Variants in RIMOC1 observed in about 807,000 individuals in gnomAD.
RIMOC1 encodes the protein RAB7A interacting MON1-CCZ1 complex subunit 1, also known as RAB7A-interacting MON1-CCZ1 complex subunit 1.
the RIMOC1 span, chr5:41,911,189 C>T: frequency 3.1e-6 from 5 of 1,590,682 alleles, no homozygotes; most frequent in Non-Finnish European, 4.3e-6. Context: ...GGTAAGAAGA[C>T]ATTCCTTACA....
the RIMOC1 span, chr5:41,907,964 CA>C: frequency 1.6e-6 from 1 of 635,370 alleles, no homozygotes; most frequent in Non-Finnish European, 2.6e-6. Flanking sequence ...TAATTTTGTC[CA>C]AAAAACTATG....
chr5:41,905,416 G>A, the RIMOC1 span, among the ~76,000 whole-genome samples: 1 of 152,140 alleles, frequency 6.6e-6, no homozygotes, highest in African/African-American at 2.4e-5. Flanking sequence ...GACAACAGGC[G>A]CACACCATCT....
chr5:41,916,709 A>G, the RIMOC1 span, among the ~76,000 whole-genome samples: 1 of 152,186 alleles, frequency 6.6e-6, no homozygotes, highest in Non-Finnish European at 1.5e-5. Flanking sequence ...TATTCCTTAA[A>G]TTAGATTCTC....
At chr5:41,913,353 G>A in the RIMOC1 span, among the ~76,000 whole-genome samples, 1 of 152,216 alleles carries the variant, frequency 6.6e-6, no homozygotes, top group South Asian at 2.1e-4. Context: ...TGGGGAGAAT[G>A]AATACTGGTT....
At chr5:41,904,500 G>T in the RIMOC1 span, 1 of 1,594,830 alleles carries the variant, frequency 6.3e-7, no homozygotes, top group Admixed American at 1.7e-5. Context: ...GGCGGGCGGG[G>T]CAGACGGCGC....
chr5:41,915,972 C>T, the RIMOC1 span, among the ~76,000 whole-genome samples: 1 of 152,118 alleles, frequency 6.6e-6, no homozygotes, highest in African/African-American at 2.4e-5. Flanking sequence ...CAGAAACTAC[C>T]ACTATTTTGA....
chr5:41,917,733 C>T, the RIMOC1 span: 10 of 942,378 alleles, frequency 1.1e-5, no homozygotes, highest in East Asian at 8.1e-4. Context: ...GCTTTGAATA[C>T]ATACTATGGA....
the RIMOC1 span, chr5:41,919,009 T>G: frequency 6.6e-6 from 1 of 152,468 alleles, no homozygotes; most frequent in Non-Finnish European, 1.5e-5. Context: ...CTCTCTCTTT[T>G]TTTTTTTTAC....
the RIMOC1 span, among the ~76,000 whole-genome samples, chr5:41,911,704 A>G: frequency 6.6e-6 from 1 of 152,206 alleles, no homozygotes; most frequent in African/African-American, 2.4e-5. Flanking sequence ...GTTTGATCAT[A>G]ATATTTCTAA....
At chr5:41,916,925 A>G in the RIMOC1 span, 1 of 1,176,602 alleles carries the variant, frequency 8.5e-7, no homozygotes, top group Non-Finnish European at 1.2e-6. Context: ...ATGCTTAATG[A>G]CAAAAGGAAC....
the RIMOC1 span, among the ~76,000 whole-genome samples, chr5:41,911,562 G>T: frequency 1.3e-5 from 2 of 152,094 alleles, no homozygotes; most frequent in Non-Finnish European, 2.9e-5. Flanking sequence ...TGATTCACTT[G>T]ACCATTATGA....
At chr5:41,912,228 T>G in the RIMOC1 span, 1 of 1,170,912 alleles carries the variant, frequency 8.5e-7, no homozygotes, top group Non-Finnish European at 1.2e-6. Context: ...TTAAAGCTTC[T>G]TAAGATTTTA....
chr5:41,919,700 T>G, the RIMOC1 span: 1 of 152,190 alleles, frequency 6.6e-6, no homozygotes, highest in Non-Finnish European at 1.5e-5. Flanking sequence ...TTCTGCATCC[T>G]TCTTTGTGAC....
At chr5:41,906,059 A>C in the RIMOC1 span, among the ~76,000 whole-genome samples, 12 of 152,342 alleles carry the variant, frequency 7.9e-5, no homozygotes, top group Admixed American at 5.2e-4. Context: ...ATACATTCAA[A>C]CTTTGTTCTT....
the RIMOC1 span, chr5:41,907,948 A>G: frequency 2.8e-6 from 2 of 707,146 alleles, no homozygotes; most frequent in South Asian, 3.7e-5. Context: ...CTATATTTCA[A>G]GTGTTTAATT....
the RIMOC1 span, among the ~76,000 whole-genome samples, chr5:41,909,097 C>T: frequency 6.6e-6 from 1 of 152,116 alleles, no homozygotes; most frequent in African/African-American, 2.4e-5. Context: ...GTAAAATTGA[C>T]TTGTCTTTGG....
the RIMOC1 span, among the ~76,000 whole-genome samples, chr5:41,913,418 G>A: frequency 6.6e-6 from 1 of 152,144 alleles, no homozygotes; most frequent in Non-Finnish European, 1.5e-5. Context: ...TCTAGGAACT[G>A]AATATAGAGC....
the RIMOC1 span, among the ~76,000 whole-genome samples, chr5:41,913,783 C>T: frequency 6.6e-6 from 1 of 152,140 alleles, no homozygotes; most frequent in South Asian, 2.1e-4. Context: ...AAAATTATTA[C>T]TTTCTGCTCA....
the RIMOC1 span, among the ~76,000 whole-genome samples, chr5:41,916,690 GAGA>G: frequency 6.6e-6 from 1 of 152,094 alleles, no homozygotes; most frequent in Non-Finnish European, 1.5e-5. Context: ...TATATTCTGG[GAGA>G]AGTTCTATTC....
Sources: allele counts gnomAD v4.1 joint callset (sites outside exome capture counted in the v4.1 genomes callset), GRCh38; gene constraint gnomAD v4.1.1; transcripts MANE v1.5; gene names NCBI Gene and HGNC (gene_info 2026-07-23, HGNC 2026-07-21).